Variants in CORO1C observed in about 807,000 individuals in gnomAD.
The protein encoded by CORO1C is coronin-1C.
A neutral mutation model predicts 51.2 loss-of-function variants in CORO1C; 14 were observed. That is an observed-to-expected ratio of 0.27 (90% CI 0.18 to 0.43). The LOEUF is 0.43. Among genes scored for constraint, CORO1C ranks in the 20% least tolerant of loss-of-function variants. The pLI, the probability that CORO1C is intolerant of heterozygous loss-of-function variation, is 1.00. For missense variants in CORO1C, 417 were observed against 607.8 expected, an observed-to-expected ratio of 0.69 and a Z score of 3.30; for synonymous variants, 181 against 210.5, an observed-to-expected ratio of 0.86 and a Z score of 1.21.
chr12:108,728,808 G>C (rs1295518992), intron 1 of CORO1C, among the ~76,000 whole-genome samples: 3 of 152,116 alleles, frequency 2.0e-5, no homozygotes, highest in African/African-American at 7.2e-5. Context: ...ATACAGAAAA[G>C]GTATCTTAAG....
At chr12:108,652,056 T>C (rs1459252150) in intron 8 of CORO1C, 15 of 92,680 alleles carry the variant, frequency 1.6e-4, no homozygotes, top group Non-Finnish European at 2.5e-4. Flanking sequence ...TTTTCTTTTC[T>C]TTTTTTTTTT....
intron 1 of CORO1C, among the ~76,000 whole-genome samples, chr12:108,713,378 AG>A (rs2035238324): frequency 6.6e-6 from 1 of 152,250 alleles, no homozygotes; most frequent in South Asian, 2.1e-4. Flanking sequence ...GTAAAAATTA[AG>A]GGAAAAAAAT....
At chr12:108,726,312 G>C (rs1363120447) in intron 1 of CORO1C, among the ~76,000 whole-genome samples, 2 of 151,246 alleles carry the variant, frequency 1.3e-5, no homozygotes, top group Non-Finnish European at 3.0e-5. Context: ...CCAGCTACTT[G>C]GGAGGCTGAG....
chr12:108,710,348 C>G (rs2035144430), intron 1 of CORO1C, among the ~76,000 whole-genome samples: 1 of 152,032 alleles, frequency 6.6e-6, no homozygotes, highest in African/African-American at 2.4e-5. Flanking sequence ...AGTAATCATT[C>G]TTTTATTCCT....
At chr12:108,705,847 A>G (rs75642916) in intron 1 of CORO1C, among the ~76,000 whole-genome samples, 8,697 of 152,248 alleles carry the variant, frequency 0.057, 513 homozygotes, top group East Asian at 0.32. Flanking sequence ...GTAACACATT[A>G]TATCAATAGA....
At chr12:108,706,795 A>G (rs1271787770) in intron 1 of CORO1C, among the ~76,000 whole-genome samples, 1 of 152,058 alleles carries the variant, frequency 6.6e-6, no homozygotes, top group African/African-American at 2.4e-5. Flanking sequence ...TGTTGGTCAG[A>G]CTGGTCTCGA....
intron 2 of CORO1C, among the ~76,000 whole-genome samples, chr12:108,685,915 A>G (rs1206514431): frequency 6.6e-6 from 1 of 152,200 alleles, no homozygotes; most frequent in African/African-American, 2.4e-5. Context: ...AGTATCAGCT[A>G]TCCTGCTTTC....
chr12:108,654,892 C>T (rs530334693), intron 6 of CORO1C, among the ~76,000 whole-genome samples: 173 of 151,972 alleles, frequency 1.1e-3, no homozygotes, highest in Middle Eastern at 3.4e-3. Context: ...TTTTAGTAGA[C>T]ACAGAGTTTC....
chr12:108,665,444 C>G (rs1295206548), intron 3 of CORO1C, among the ~76,000 whole-genome samples: 2 of 152,108 alleles, frequency 1.3e-5, no homozygotes, highest in South Asian at 2.1e-4. Flanking sequence ...TGTAACCCAT[C>G]TAGTACTGGG....
intron 3 of CORO1C, among the ~76,000 whole-genome samples, chr12:108,670,296 G>A (rs969434819): frequency 1.3e-5 from 2 of 152,178 alleles, no homozygotes; most frequent in African/African-American, 4.8e-5. Context: ...GCCGGTGTGA[G>A]ATCAGCAGCA....
intron 3 of CORO1C, among the ~76,000 whole-genome samples, chr12:108,677,785 G>A (rs771051695): frequency 2.0e-4 from 30 of 152,136 alleles, no homozygotes; most frequent in Non-Finnish European, 4.3e-4. Context: ...TTGGGAGGCC[G>A]AGGCAGGCGG....
chr12:108,706,368 A>G (rs2035032757), intron 1 of CORO1C, among the ~76,000 whole-genome samples: 1 of 152,190 alleles, frequency 6.6e-6, no homozygotes, highest in South Asian at 2.1e-4. Flanking sequence ...GAGATCAAGA[A>G]TAAGATGAGC....
At chr12:108,680,514 A>C (rs1011103316) in intron 2 of CORO1C, among the ~76,000 whole-genome samples, 4 of 152,232 alleles carry the variant, frequency 2.6e-5, no homozygotes, top group African/African-American at 9.6e-5. Flanking sequence ...TGAGAACCAG[A>C]CTGCCCAGAG....
At chr12:108,655,890 G>T in intron 6 of CORO1C, among the ~76,000 whole-genome samples, 1 of 151,810 alleles carries the variant, frequency 6.6e-6, no homozygotes, top group Non-Finnish European at 1.5e-5. Context: ...AGTCTGGGAA[G>T]TGAGGAGCGC....
At chr12:108,676,817 TTTCTC>T (rs2033925317) in intron 3 of CORO1C, among the ~76,000 whole-genome samples, 1 of 151,830 alleles carries the variant, frequency 6.6e-6, no homozygotes, top group Non-Finnish European at 1.5e-5. Flanking sequence ...ACGATATTCC[TTTCTC>T]TTAACAAAAT....
intron 3 of CORO1C, among the ~76,000 whole-genome samples, chr12:108,665,056 TCTCA>T (rs1203414001): frequency 6.6e-6 from 1 of 152,176 alleles, no homozygotes. Context: ...CGCCTCTGTG[TCTCA>T]CTCTGAGCAC....
At chr12:108,692,094 T>C (rs2034518175) in intron 2 of CORO1C, among the ~76,000 whole-genome samples, 1 of 151,420 alleles carries the variant, frequency 6.6e-6, no homozygotes, top group Admixed American at 6.6e-5. Context: ...GCCGTGCTCG[T>C]GTGGCTGGCA....
intron 7 of CORO1C, among the ~76,000 whole-genome samples, chr12:108,652,877 T>C (rs147253163): frequency 7.3e-3 from 301 of 41,240 alleles, no homozygotes; most frequent in Non-Finnish European, 0.01. Flanking sequence ...GTGAGATTTT[T>C]CTAATGAAGA....
intron 6 of CORO1C, among the ~76,000 whole-genome samples, chr12:108,656,028 C>A (rs1316631398): frequency 2.9e-4 from 43 of 150,380 alleles, no homozygotes; most frequent in Non-Finnish European, 4.9e-4. Context: ...TCTGCCCGGC[C>A]GGGACCCCGT....
Sources: allele counts gnomAD v4.1 joint callset (sites outside exome capture counted in the v4.1 genomes callset), GRCh38; gene constraint gnomAD v4.1.1; transcripts MANE v1.5; gene names NCBI Gene and HGNC (gene_info 2026-07-23, HGNC 2026-07-21).